POLR3E: variants seen among roughly 807,000 people sequenced by gnomAD.
POLR3E encodes DNA-directed RNA polymerase III subunit RPC5.
POLR3E carries 41 observed loss-of-function variants against 96.6 expected under a neutral mutation model. The observed-to-expected ratio is 0.42, with a 90% confidence interval of 0.33 to 0.55. The LOEUF (loss-of-function observed/expected upper bound fraction) is 0.55, where lower values mean the gene tolerates loss of function less well. POLR3E is among the 20% of genes least tolerant of loss of function. The probability of loss-of-function intolerance (pLI) is 0.06; values close to 1 mark genes in which losing one functional copy is unlikely to be tolerated. For missense variants in POLR3E, 849 were observed against 952.1 expected, an observed-to-expected ratio of 0.89 and a Z score of 1.43; for synonymous variants, 396 against 383.6, an observed-to-expected ratio of 1.03 and a Z score of -0.38.
In POLR3E at chr16:22,315,140, T is replaced by A. The variant is rs1405091901; in HGVS notation, c.574T>A (p.Ser192Thr). Residue 192 changes from serine to threonine, a missense_variant, in exon 9 of 21, where the codon TCC (serine) becomes ACC (threonine). Transcript: ENST00000299853. The part of the protein sequence containing the change: ...SEQARQRRVQ[S>T]YEFLQKKHAE... ...GCAGGCCCGCCAGCGCCGTGTGCAG[T>A]CCTATGAGTTCCTGCAGAAGAAGCA... is the stretch of plus-strand genomic sequence containing the variant. 1 of 1,612,394 alleles carries A rather than the reference T, an allele frequency of 6.2e-7. No homozygotes were observed. The highest frequency in any genetic ancestry group is 1.3e-5 in the African/African-American group (1 of 74,810).
At chr16:22,331,270 C>A (rs970937201) in intron 19 of POLR3E, among the ~76,000 whole-genome samples, 1 of 152,008 alleles carries the variant, frequency 6.6e-6, no homozygotes, top group Non-Finnish European at 1.5e-5. Context: ...TGAGCCTCTG[C>A]GCCCGGCATG....
chr16:22,298,579 T>G (rs970587865), intron 1 of POLR3E, among the ~76,000 whole-genome samples: 11 of 152,134 alleles, frequency 7.2e-5, no homozygotes, highest in Non-Finnish European at 1.2e-4. Context: ...CTGCACAGTT[T>G]TGTTCTCGGG....
intron 18 of POLR3E, 164 bp downstream of exon 18, chr16:22,326,442 C>T (rs929940028): frequency 1.5e-6 from 1 of 662,714 alleles, no homozygotes; most frequent in African/African-American, 1.8e-5. Context: ...GCTCTATTCT[C>T]ATGAAATGGG....
chr16:22,312,222 T>G (rs2048261722), intron 6 of POLR3E, among the ~76,000 whole-genome samples: 1 of 151,642 alleles, frequency 6.6e-6, no homozygotes, highest in Non-Finnish European at 1.5e-5. Flanking sequence ...TGGCCGGGAG[T>G]GGTGGCTCAT....
chr16:22,303,928 A>G (rs2141731558), intron 2 of POLR3E, among the ~76,000 whole-genome samples: 1 of 148,952 alleles, frequency 6.7e-6, no homozygotes, highest in East Asian at 2.0e-4. Flanking sequence ...CTTGTGCCTC[A>G]GCCTCCTGAG....
In POLR3E at chr16:22,317,318, A is replaced by G. The variant is rs966817821; in HGVS notation, c.865+112A>G. ...ACAAGGCCAGAGGCCCCTGCTGCCC[A>G]CAGCCTGCCCAGCTTTGCAGCTGCA... is the stretch of plus-strand genomic sequence containing the variant. On this transcript the variant is annotated intron_variant, in intron 12 of 20. Coordinates refer to ENST00000299853, the MANE Select transcript of POLR3E (RefSeq NM_018119.4). The G allele has an allele frequency of 6.6e-6, 5 of 753,496 alleles. No homozygotes were observed. In the African/African-American group the frequency reaches 8.6e-5, roughly 13 times the overall value. The allele number at this position is 753,496 out of a possible 1,614,324, so 46.7% of individuals were successfully genotyped here.
intron 2 of POLR3E, among the ~76,000 whole-genome samples, chr16:22,303,467 C>T (rs1439990776): frequency 6.6e-6 from 1 of 152,066 alleles, no homozygotes; most frequent in African/African-American, 2.4e-5. Context: ...CCCTCCTTCC[C>T]AGGCTTACGC....
At chr16:22,307,593 G>A (rs995448134) in intron 3 of POLR3E, among the ~76,000 whole-genome samples, 1 of 152,182 alleles carries the variant, frequency 6.6e-6, no homozygotes, top group Non-Finnish European at 1.5e-5. Flanking sequence ...AGATAAGAGC[G>A]GGCCATGGCT....
intron 1 of POLR3E, among the ~76,000 whole-genome samples, chr16:22,302,127 C>G (rs1378468840): frequency 6.6e-6 from 1 of 152,034 alleles, no homozygotes; most frequent in East Asian, 1.9e-4. Flanking sequence ...CTCCTCCCCT[C>G]TGTTGTCATG....
Position 22,308,132 on chromosome 16 carries a change from C to G in POLR3E, c.88-16C>G, listed in dbSNP as rs571650504. 3.7e-6 allele frequency: 6 copies of G among 1,607,074 alleles called. No individual in the cohort carries two copies. In the East Asian group the frequency reaches 1.1e-4, roughly 30 times the overall value. Reference sequence around the variant, plus strand: ...GCTGGGCAGAGTGGACTTAATGGCTCCCTTCCCCTCCCCAGTACCCTGTGC... The same window carrying G: ...GCTGGGCAGAGTGGACTTAATGGCTGCCTTCCCCTCCCCAGTACCCTGTGC... On this transcript the variant is annotated splice_polypyrimidine_tract_variant and intron_variant, in intron 3 of 20. Coordinates refer to ENST00000299853, the MANE Select transcript of POLR3E (RefSeq NM_018119.4).
chr16:22,319,582 G>A (rs934786483), intron 13 of POLR3E, among the ~76,000 whole-genome samples: 6 of 151,948 alleles, frequency 3.9e-5, no homozygotes, highest in African/African-American at 1.5e-4. Flanking sequence ...TGTATTTTTA[G>A]TAGAGATGGG....
chr16:22,301,951 G>A (rs1449678157), intron 1 of POLR3E, among the ~76,000 whole-genome samples: 1 of 151,724 alleles, frequency 6.6e-6, no homozygotes, highest in Admixed American at 6.6e-5. Flanking sequence ...ATTCATGCTA[G>A]TCTCACCCAA....
chr16:22,329,019 G>A (rs1410666271), intron 19 of POLR3E: 2 of 198,086 alleles, frequency 1.0e-5, no homozygotes, highest in Non-Finnish European at 2.1e-5. Context: ...CTGGGAGAGA[G>A]AGGTTGCAGT....
Position 22,302,190 on chromosome 16 carries a change from A to G in POLR3E, c.-38-741A>G, listed in dbSNP as rs559880817. On this transcript the variant is annotated intron_variant, in intron 1 of 20. Transcript: ENST00000299853. Reference sequence around the variant, plus strand: ...GGCGCACCTAACGTGCCTCCTCCCCAGCAGAAAGGCCTTTCCCGCCTCTCA... The same window carrying G: ...GGCGCACCTAACGTGCCTCCTCCCCGGCAGAAAGGCCTTTCCCGCCTCTCA... Among the ~76,000 whole-genome samples, 26 of 152,104 alleles carry G rather than the reference A, an allele frequency of 1.7e-4. 1 individual carries two copies. Among genetic ancestry groups the G allele is most frequent in the Non-Finnish European group, 3.1e-4 (21 of 67,992 alleles).
chr16:22,309,281 C>T (rs2048195423), intron 5 of POLR3E, 147 bp from the exon 6 acceptor site: 4 of 737,592 alleles, frequency 5.4e-6, no homozygotes, highest in South Asian at 4.6e-5. Context: ...CCCAGGCTGC[C>T]CTCCTGAGAC....
chr16:22,307,178 G>A (rs35963117), intron 3 of POLR3E, among the ~76,000 whole-genome samples: 3,194 of 152,258 alleles, frequency 0.021, 61 homozygotes, highest in Admixed American at 0.05. Flanking sequence ...GCCTGCCTGA[G>A]TCCACAGTTA....
At chr16:22,319,808 C>A (rs920205642) in intron 13 of POLR3E, among the ~76,000 whole-genome samples, 1 of 152,180 alleles carries the variant, frequency 6.6e-6, no homozygotes, top group African/African-American at 2.4e-5. Context: ...ATTAACATAT[C>A]TATCCCCTCA....
chr16:22,309,686 C>G (rs2048206539), intron 6 of POLR3E, 176 bp downstream of exon 6: 1 of 639,272 alleles, frequency 1.6e-6, no homozygotes. Context: ...CTGGAAGTGG[C>G]CACCTTTGTG....
rs2048542596 is a variant in POLR3E, at chr16:22,324,717, G to A, written c.1286+57G>A. 5.1e-6 allele frequency: 8 copies of A among 1,562,922 alleles called. No homozygotes were observed. The Admixed American group carries it at 1.3e-4, about 26-fold the overall frequency. ...GGTGATCCCAGCAACCCTGCATCCT[G>A]GGGAGCACTGTCAGGGTGGATCCGA... is the stretch of plus-strand genomic sequence containing the variant. On this transcript the variant is annotated intron_variant, in intron 16 of 20. Coordinates refer to ENST00000299853, the MANE Select transcript of POLR3E (RefSeq NM_018119.4).
Sources: gnomAD v4.1 joint callset for allele counts (sites outside exome capture counted in the v4.1 genomes callset) on GRCh38, gnomAD v4.1.1 for gene constraint, MANE v1.5 for transcripts, NCBI Gene and HGNC (gene_info 2026-07-23, HGNC 2026-07-21) for gene names.